BAZ1A: variants seen among roughly 807,000 people sequenced by gnomAD.
BAZ1A encodes the protein bromodomain adjacent to zinc finger domain 1A, also known as bromodomain adjacent to zinc finger domain protein 1A.
A neutral mutation model predicts 185.2 loss-of-function variants in BAZ1A; 50 were observed. That is an observed-to-expected ratio of 0.27 (90% CI 0.22 to 0.34). BAZ1A has a LOEUF of 0.34. BAZ1A is among the 10% of genes least tolerant of loss of function. BAZ1A has a pLI of 1.00. For missense variants in BAZ1A, 1,356 were observed against 1,839.9 expected (o/e 0.74, Z 4.81); for synonymous variants, 571 against 615.6 (o/e 0.93, Z 1.07).
At chr14:34,813,202 G>A (rs2041955144) in intron 4 of BAZ1A, among the ~76,000 whole-genome samples, 1 of 137,768 alleles carries the variant, frequency 7.3e-6, no homozygotes, top group African/African-American at 2.7e-5. Flanking sequence ...TGGCAACATG[G>A]GGAAACCTAC....
rs777332572 is a variant in BAZ1A, at chr14:34,792,966, A to G, written c.1364-45T>C. On this transcript the variant is annotated intron_variant, in intron 11 of 26. Coordinates refer to ENST00000360310, the MANE Select transcript of BAZ1A (RefSeq NM_013448.3). Reference sequence around the variant, plus strand: ...AATGAATTTAAAGTTCTGTTCATGTACTGAAAAAACAACTCCACTGGAATA... The same window carrying G: ...AATGAATTTAAAGTTCTGTTCATGTGCTGAAAAAACAACTCCACTGGAATA... 4 of 1,538,502 alleles carry G rather than the reference A, an allele frequency of 2.6e-6. No individual in the cohort carries two copies. In the South Asian group the frequency reaches 4.9e-5, roughly 19 times the overall value.
chr14:34,803,299 A>G (rs1881670848), intron 6 of BAZ1A, among the ~76,000 whole-genome samples: 1 of 151,560 alleles, frequency 6.6e-6, no homozygotes, highest in African/African-American at 2.4e-5. Context: ...GAATCACTTG[A>G]ATCTGGGAGG....
chr14:34,778,228 T>C (rs1199499276), intron 17 of BAZ1A, among the ~76,000 whole-genome samples: 2 of 152,200 alleles, frequency 1.3e-5, no homozygotes, highest in African/African-American at 2.4e-5. Context: ...CTCCTTCCCA[T>C]TTCCACCTAG....
chr14:34,753,131 A>T lies in BAZ1A; in HGVS notation c.*377T>A. Reference sequence around the variant, plus strand: ...CCTTTTCTAAACTGTGCTATAGCGGAAGACTCATCCATGTAGATAACTCTC... The same window carrying T: ...CCTTTTCTAAACTGTGCTATAGCGGTAGACTCATCCATGTAGATAACTCTC... On this transcript the variant is annotated 3_prime_UTR_variant, in exon 27 of 27. Transcript: ENST00000360310. 1 of 186,956 alleles carries T rather than the reference A, an allele frequency of 5.3e-6. No individual in the cohort carries two copies. Among genetic ancestry groups the T allele is most frequent in the Non-Finnish European group, 1.1e-5 (1 of 88,902 alleles). 11.6% of individuals were successfully genotyped at this position (186,956 alleles called of 1,614,324 possible). A position where few individuals can be genotyped will look rare whatever the true frequency, so the allele number is the denominator to read the frequency against.
intron 26 of BAZ1A, among the ~76,000 whole-genome samples, chr14:34,754,244 T>C: frequency 8.3e-6 from 1 of 120,518 alleles, no homozygotes; most frequent in African/African-American, 3.2e-5. Context: ...AGAGCAAGAC[T>C]CCATCATCTC....
chr14:34,765,436 T>C (rs1294314247), intron 21 of BAZ1A, among the ~76,000 whole-genome samples, 168 bp from the exon 22 acceptor site: 3 of 152,226 alleles, frequency 2.0e-5, no homozygotes, highest in Non-Finnish European at 4.4e-5. Context: ...ATGGAAAATA[T>C]TTGCTGAGCC....
intron 3 of BAZ1A, among the ~76,000 whole-genome samples, chr14:34,842,174 A>G (rs111445190): frequency 0.01 from 1,571 of 152,232 alleles, 30 homozygotes; most frequent in African/African-American, 0.036. Context: ...TGTGTACTTT[A>G]AAGTACTAAC....
At chr14:34,825,031 G>A (rs2042145650) in intron 4 of BAZ1A, among the ~76,000 whole-genome samples, 1 of 152,176 alleles carries the variant, frequency 6.6e-6, no homozygotes, top group African/African-American at 2.4e-5. Context: ...ATGTTTGTGT[G>A]ATTTTTCTCC....
Position 34,874,423 on chromosome 14 carries a change from A to G in BAZ1A, c.113+69T>C. On this transcript the variant is annotated intron_variant, in intron 2 of 26. Transcript: ENST00000360310. This position sits in a 1 kb window ranked among gnomAD's most constrained non-coding sequence, Gnocchi z 4.7. Reference sequence around the variant, plus strand: ...AGAAGCCCAGGGCGAGGAAAAGGAGAGAGACAAAAGAGCGCTGCGGGGGGA... The same window carrying G: ...AGAAGCCCAGGGCGAGGAAAAGGAGGGAGACAAAAGAGCGCTGCGGGGGGA... 7.1e-7 allele frequency: 1 copy of G among 1,410,368 alleles called. No individual in the cohort carries two copies. Among genetic ancestry groups the G allele is most frequent in the South Asian group, 1.2e-5 (1 of 86,562 alleles). The allele number at this position is 1,410,368 out of a possible 1,614,324, so 87.4% of individuals were successfully genotyped here. A position where few individuals can be genotyped will look rare whatever the true frequency, so the allele number is the denominator to read the frequency against.
chr14:34,865,998 C>T (rs1566605008), intron 2 of BAZ1A, among the ~76,000 whole-genome samples: 2 of 151,390 alleles, frequency 1.3e-5, no homozygotes, highest in African/African-American at 2.4e-5. Context: ...GACCAGACTG[C>T]GCAACAAAGC....
chr14:34,849,262 G>A (rs572919435), intron 3 of BAZ1A, among the ~76,000 whole-genome samples: 1 of 152,164 alleles, frequency 6.6e-6, no homozygotes, highest in African/African-American at 2.4e-5. Context: ...TCCAGACTAG[G>A]TGACAGAGTG....
intron 3 of BAZ1A, among the ~76,000 whole-genome samples, chr14:34,858,881 G>A (rs1356563536): frequency 2.0e-5 from 3 of 152,076 alleles, no homozygotes; most frequent in Non-Finnish European, 4.4e-5. Flanking sequence ...TTGATATCTG[G>A]GGAAATAAAT....
At chr14:34,758,250 C>T (rs61981200) in intron 25 of BAZ1A, among the ~76,000 whole-genome samples, 30,410 of 151,630 alleles carry the variant, frequency 0.2, 3,387 homozygotes, top group Non-Finnish European at 0.25. Flanking sequence ...CACTGCACTC[C>T]GGCCTGGGCG....
chr14:34,759,171 G>GTTTTTTTTTTTGTTTTTT (rs1555336944), intron 24 of BAZ1A, among the ~76,000 whole-genome samples: 1 of 66,468 alleles, frequency 1.5e-5, no homozygotes, highest in Non-Finnish European at 2.6e-5. Flanking sequence ...TACAGCTACA[G>GTTTTTTTTTTTGTTTTTT]TTTTTTTTTT....
At chr14:34,794,216 C>T (rs1055137049) in intron 11 of BAZ1A, among the ~76,000 whole-genome samples, 2 of 152,050 alleles carry the variant, frequency 1.3e-5, no homozygotes, top group Non-Finnish European at 1.5e-5. Context: ...CATGTGACAG[C>T]CAAAAATTCA....
At chr14:34,849,336 G>A (rs1013612607) in intron 3 of BAZ1A, among the ~76,000 whole-genome samples, 6 of 152,134 alleles carry the variant, frequency 3.9e-5, no homozygotes, top group Non-Finnish European at 7.4e-5. Flanking sequence ...GTTCTGATAC[G>A]AGAAGACATC....
intron 3 of BAZ1A, among the ~76,000 whole-genome samples, chr14:34,837,125 C>A (rs868396453): frequency 6.6e-6 from 1 of 151,660 alleles, no homozygotes; most frequent in Admixed American, 6.6e-5. Context: ...GACTACAGAA[C>A]CTTATTATTT....
chr14:34,761,686 G>C (rs1215384480), intron 24 of BAZ1A, 71 bp downstream of exon 24: 2 of 1,332,670 alleles, frequency 1.5e-6, no homozygotes, highest in Non-Finnish European at 2.1e-6. Context: ...ATGATCCAAA[G>C]TATCTCAACA....
At chr14:34,784,226 G>T (rs1020633835) in intron 14 of BAZ1A, among the ~76,000 whole-genome samples, 10 of 151,622 alleles carry the variant, frequency 6.6e-5, no homozygotes, top group Non-Finnish European at 1.2e-4. Flanking sequence ...AAAATAGCTG[G>T]ATGTGGTGGT....
Sources: gnomAD v4.1 joint callset for allele counts (sites outside exome capture counted in the v4.1 genomes callset) on GRCh38, gnomAD v4.1.1 for gene constraint, Gnocchi (gnomAD v3.1) non-coding constraint, MANE v1.5 for transcripts, NCBI Gene and HGNC (gene_info 2026-07-23, HGNC 2026-07-21) for gene names.